Variants in RPTOR observed in about 807,000 individuals in gnomAD.
RPTOR encodes the protein regulatory-associated protein of mTOR.
In RPTOR, 21 loss-of-function variants were observed where a neutral mutation model predicts 169.9. The observed-to-expected ratio is 0.12, with a 90% CI of 0.09 to 0.18. RPTOR has a LOEUF of 0.18. Among genes scored for constraint, RPTOR ranks in the 10% least tolerant of loss-of-function variants. The pLI is 1.00. For synonymous variants in RPTOR, 732 were observed against 753.2 expected (o/e 0.97, Z 0.46); for missense variants, 1,133 against 1,855.9 (o/e 0.61, Z 7.16).
rs576876790 is a variant in RPTOR at position 80,572,673 on chromosome 17, C to T, written c.162+26882C>T. ...CCAGCAGTTCCAGGCTGCAGTGAGT[C>T]GAGATCGCACCAGCACACTCCAGCC... On this transcript the variant is annotated intron_variant, in intron 1 of 33. Transcript: ENST00000306801. Among the ~76,000 whole-genome samples, 4 of 152,148 alleles carry T rather than the reference C, an allele frequency of 2.6e-5. No homozygotes were observed. In the South Asian group the frequency reaches 6.2e-4, roughly 24 times the overall value.
intron 7 of RPTOR, among the ~76,000 whole-genome samples, chr17:80,818,001 G>C (rs143962108): frequency 1.3e-5 from 2 of 152,204 alleles, no homozygotes; most frequent in Admixed American, 6.5e-5. Flanking sequence ...AGGTGAGCCC[G>C]GAAGTGTGGG....
At chr17:80,774,113 T>C (rs2066870419) in intron 6 of RPTOR, 8 of 985,392 alleles carry the variant, frequency 8.1e-6, no homozygotes, top group Non-Finnish European at 9.6e-6. Flanking sequence ...TTTAAAAGGC[T>C]CCTCTCCTGT....
At chr17:80,778,486 C>A (rs1420980937) in intron 6 of RPTOR, among the ~76,000 whole-genome samples, 1 of 152,112 alleles carries the variant, frequency 6.6e-6, no homozygotes, top group Non-Finnish European at 1.5e-5. Context: ...CATTTTAATT[C>A]TTTTGTGTTT....
At chr17:80,799,080 C>T (rs1317686140) in intron 7 of RPTOR, among the ~76,000 whole-genome samples, 2 of 152,230 alleles carry the variant, frequency 1.3e-5, no homozygotes, top group African/African-American at 2.4e-5. Context: ...GTGATATGAC[C>T]TTTGAACCTA....
intron 1 of RPTOR, among the ~76,000 whole-genome samples, chr17:80,625,474 C>T (rs1157362848): frequency 6.6e-6 from 1 of 152,158 alleles, no homozygotes; most frequent in East Asian, 1.9e-4. Flanking sequence ...ACGTCCCTCT[C>T]ACCACCTGTC....
At chr17:80,856,984 A>T (rs1397476619) in intron 12 of RPTOR, among the ~76,000 whole-genome samples, 1 of 152,218 alleles carries the variant, frequency 6.6e-6, no homozygotes, top group Non-Finnish European at 1.5e-5. Context: ...GAAGGGACCC[A>T]GGCCTAGGTC....
intron 7 of RPTOR, chr17:80,804,334 G>A (rs368720188): frequency 2.6e-5 from 4 of 152,262 alleles, no homozygotes; most frequent in African/African-American, 9.6e-5. Flanking sequence ...AGATCTCTAC[G>A]ATTATTTCCA....
intron 2 of RPTOR, among the ~76,000 whole-genome samples, chr17:80,631,020 C>T (rs539711374): frequency 3.9e-5 from 6 of 152,286 alleles, no homozygotes; most frequent in East Asian, 3.9e-4. Flanking sequence ...TGATGGCAAA[C>T]GTCTGCCTCG....
chr17:80,688,998 C>T (rs1048586469), intron 3 of RPTOR, among the ~76,000 whole-genome samples: 2 of 152,148 alleles, frequency 1.3e-5, no homozygotes, highest in African/African-American at 2.4e-5. Flanking sequence ...GCCCTGTTGC[C>T]GTTCTGATAA....
intron 13 of RPTOR, among the ~76,000 whole-genome samples, chr17:80,859,040 G>A (rs2067888061): frequency 6.6e-6 from 1 of 152,166 alleles, no homozygotes; most frequent in African/African-American, 2.4e-5. Flanking sequence ...CTGCAGGGCT[G>A]GGAGGGCGGC....
chr17:80,957,658 C>T lies in RPTOR; in HGVS notation c.3405C>T (p.Thr1135=), dbSNP rs776645644. The stretch of plus-strand genomic sequence containing the variant: ...TGGTGGTGGACTGGGAGCAGGAGAC[C>T]GGCCTCCTCATGAGCTCAGGAGACG... ...AGMVVDWEQE[T]GLLMSSGDVR... The change falls in exon 29 of 34, where the codon ACC becomes ACT. Residue 1135 remains threonine (T), a synonymous_variant. Transcript: ENST00000306801. The surrounding 1 kb of genome is among the most constrained non-coding windows in gnomAD (Gnocchi z 4.6). 55 of 1,614,174 alleles carry T rather than the reference C, an allele frequency of 3.4e-5. No homozygotes were observed. The highest frequency in any genetic ancestry group is 1.6e-4 in the Middle Eastern group (1 of 6,062).
intron 3 of RPTOR, among the ~76,000 whole-genome samples, chr17:80,693,125 A>G (rs1475324990): frequency 6.6e-6 from 1 of 152,226 alleles, no homozygotes; most frequent in African/African-American, 2.4e-5. Context: ...TGTTTCCTCT[A>G]AAGCAGAGTT....
In RPTOR at chr17:80,576,392, T is replaced by A. The variant is rs145429495; in HGVS notation, c.162+30601T>A. On this transcript the variant is annotated intron_variant, in intron 1 of 33. Transcript: ENST00000306801. ...AATACTGAAAAAAGTACAACGTCCGTCATGACCTTTATTCTTTTCTTAGAC... is the reference window on the plus strand; with the variant it reads ...AATACTGAAAAAAGTACAACGTCCGACATGACCTTTATTCTTTTCTTAGAC... Among the ~76,000 whole-genome samples the A allele has an allele frequency of 1.9e-3, 297 of 152,360 alleles. 1 individual carries two copies. The highest frequency in any genetic ancestry group is 6.9e-3 in the African/African-American group (287 of 41,598).
rs116874059 is a variant in RPTOR, at chr17:80,831,818, C to T, written c.1137-6104C>T. ...GTCACCGTGTATCCCTGTGTGTCAC[C>T]ATGTATCCCTGTGTGTCACTGTGTA... On this transcript the variant is annotated intron_variant, in intron 9 of 33. Transcript: ENST00000306801. Among the ~76,000 whole-genome samples, 14 of 63,678 alleles carry T rather than the reference C, an allele frequency of 2.2e-4. No individual in the cohort carries two copies. In the South Asian group the frequency reaches 2.5e-3, roughly 11 times the overall value. 41.8% of individuals were successfully genotyped at this position (63,678 alleles called of 152,430 possible). A position where few individuals can be genotyped will look rare whatever the true frequency, so the allele number is the denominator to read the frequency against.
At chr17:80,797,270 C>T (rs1382893548) in intron 7 of RPTOR, among the ~76,000 whole-genome samples, 1 of 152,168 alleles carries the variant, frequency 6.6e-6, no homozygotes, top group Non-Finnish European at 1.5e-5. Flanking sequence ...GTAGCTGGGA[C>T]TGCAGGTGCA....
rs149398966 is a variant in RPTOR, at chr17:80,843,959, A to T, written c.1213-2514A>T. The stretch of plus-strand genomic sequence containing the variant: ...CCAAATCGCCCTGGGAGAGCCAGGT[A>T]TGTGGTCCTGGCCGGGCAACCCAGA... On this transcript the variant is annotated intron_variant, in intron 10 of 33. Coordinates refer to ENST00000306801, the MANE Select transcript of RPTOR (RefSeq NM_020761.3). 3.7e-3 allele frequency among the ~76,000 whole-genome samples: 564 copies of T among 152,272 alleles called. 5 individuals carry two copies. The highest frequency in any genetic ancestry group is 0.013 in the African/African-American group (535 of 41,556).
At chr17:80,857,466 G>A (rs1306483656) in intron 12 of RPTOR, among the ~76,000 whole-genome samples, 1 of 152,202 alleles carries the variant, frequency 6.6e-6, no homozygotes, top group Non-Finnish European at 1.5e-5. Flanking sequence ...ATGCTCTGCT[G>A]CCAAGAGCAG....
chr17:80,885,029 G>T lies in RPTOR; in HGVS notation c.1864G>T (p.Ala622Ser). ...GCAGGTCCGCTGCGCAGCGGTCTTC[G>T]CCCTTGGCACGTTCGTGGGCAACTC... ...IPEVRCAAVF[A>S]LGTFVGNSAE... The change falls in exon 17 of 34, where the codon GCC (alanine) becomes TCC (serine). Residue 622 changes from alanine to serine, a missense_variant. By Grantham distance (99) the Ala-to-Ser change is moderately conservative (BLOSUM62 1). Transcript: ENST00000306801. 6.2e-7 allele frequency: 1 copy of T among 1,609,764 alleles called. No individual in the cohort carries two copies. Among genetic ancestry groups the T allele is most frequent in the African/African-American group, 1.3e-5 (1 of 75,046 alleles).
chr17:80,677,110 T>C (rs1376634134), intron 3 of RPTOR, among the ~76,000 whole-genome samples: 1 of 152,224 alleles, frequency 6.6e-6, no homozygotes, highest in Non-Finnish European at 1.5e-5. Context: ...TTCTTTTGGT[T>C]GTTTATTGTG....
Sources: allele counts gnomAD v4.1 joint callset (sites outside exome capture counted in the v4.1 genomes callset), GRCh38; gene constraint gnomAD v4.1.1; non-coding constraint Gnocchi (gnomAD v3.1); transcripts MANE v1.5; gene names NCBI Gene and HGNC (gene_info 2026-07-23, HGNC 2026-07-21).